The following ADGRG3 variants were observed in gnomAD, a reference collection of about 807,000 sequenced individuals.
ADGRG3 encodes G protein-coupled receptor 97.
A neutral mutation model predicts 54.3 loss-of-function variants in ADGRG3; 39 were observed. The ratio of observed to expected loss-of-function variants is 0.72; its 90% CI spans 0.56 to 0.94. The LOEUF is 0.94. Ranked by LOEUF, ADGRG3 falls within the 40% of genes least tolerant of loss-of-function variation. The pLI, the probability that ADGRG3 is intolerant of heterozygous loss-of-function variation, is 0.00. For missense variants in ADGRG3, 654 were observed against 694.6 expected (o/e 0.94, Z 0.66); for synonymous variants, 312 against 290.0 (o/e 1.08, Z -0.77).
chr16:57,688,735 G>A lies in ADGRG3; in HGVS notation c.*274G>A. The stretch of plus-strand genomic sequence containing the variant: ...AGAGTGACAGTCACCTCCATGCCCT[G>A]CCCTCATTGCAAAGCCCTCACTCAC... On this transcript the variant is annotated 3_prime_UTR_variant, in exon 12 of 12. Transcript: ENST00000333493. 2.6e-6 allele frequency: 1 copy of A among 382,432 alleles called. No homozygotes were observed. Among genetic ancestry groups the A allele is most frequent in the Non-Finnish European group, 4.9e-6 (1 of 204,912 alleles). The allele number at this position is 382,432 out of a possible 1,614,324, so 23.7% of individuals were successfully genotyped here. A position where few individuals can be genotyped will look rare whatever the true frequency, so the allele number is the denominator to read the frequency against.
At chr16:57,682,406 C>G (rs997672723) in intron 8 of ADGRG3, 3 of 820,214 alleles carry the variant, frequency 3.7e-6, no homozygotes. Context: ...CCCTAGGCTG[C>G]AGCCCCAACT....
chr16:57,682,681 C>A, intron 8 of ADGRG3: 1 of 959,158 alleles, frequency 1.0e-6, no homozygotes, highest in Non-Finnish European at 1.2e-6. Context: ...TCCCCTCCCT[C>A]GGCTGAGAGC....
chr16:57,681,375 T>C (rs867385752), intron 8 of ADGRG3, among the ~76,000 whole-genome samples: 158 of 94,618 alleles, frequency 1.7e-3, no homozygotes, highest in South Asian at 8.1e-3. Context: ...TGTGTGTGTG[T>C]GCGCGCGTGC....
At chr16:57,676,673 T>C (rs2048270210) in intron 3 of ADGRG3, among the ~76,000 whole-genome samples, 1 of 152,240 alleles carries the variant, frequency 6.6e-6, no homozygotes, top group South Asian at 2.1e-4. Context: ...TCGGTTTCTC[T>C]GTCTATAAAA....
In ADGRG3 at chr16:57,668,309, C is replaced by T. The variant is rs1257428035; in HGVS notation, c.-39C>T. Reference sequence around the variant, plus strand: ...CAGAGCCTGGGGCCAGAGGGCCAGACAGCCACAGAGCTCCTGGCGTGGGCA... The same window carrying T: ...CAGAGCCTGGGGCCAGAGGGCCAGATAGCCACAGAGCTCCTGGCGTGGGCA... On this transcript the variant is annotated 5_prime_UTR_variant, in exon 1 of 12. Coordinates refer to ENST00000333493, the MANE Select transcript of ADGRG3 (RefSeq NM_170776.5). 1.3e-6 allele frequency: 2 copies of T among 1,533,340 alleles called. No individual in the cohort carries two copies. The highest frequency in any genetic ancestry group is 1.8e-6 in the Non-Finnish European group (2 of 1,137,164). The allele number at this position is 1,533,340 out of a possible 1,614,324, so 95.0% of individuals were successfully genotyped here.
chr16:57,678,905 T>C (rs2048313053), intron 4 of ADGRG3: 1 of 507,674 alleles, frequency 2.0e-6, no homozygotes, highest in Non-Finnish European at 3.5e-6. Context: ...CCCCCTCTAG[T>C]TAAGAGGGCA....
In ADGRG3 at chr16:57,677,203, C is replaced by T. The variant is rs557034440; in HGVS notation, c.345+865C>T. On this transcript the variant is annotated intron_variant, in intron 3 of 11. Transcript: ENST00000333493. ...AGCTCCAGCCATAAACCCCCTGTGC[C>T]AATGTGCATGGGGTGTTTCTGAGGC... 1.4e-4 allele frequency among the ~76,000 whole-genome samples: 22 copies of T among 152,322 alleles called. No homozygotes were observed. The South Asian group carries it at 3.3e-3, about 23-fold the overall frequency.
rs577325950 is a variant in ADGRG3, at chr16:57,676,420, T to G, written c.345+82T>G. 81 of 1,337,164 alleles carry G rather than the reference T, an allele frequency of 6.1e-5. No individual in the cohort carries two copies. In the South Asian group the frequency reaches 8.6e-4, roughly 14 times the overall value. The allele number at this position is 1,337,164 out of a possible 1,614,324, so 82.8% of individuals were successfully genotyped here. The stretch of plus-strand genomic sequence containing the variant: ...ATTTCAAAACTCTAAGAGAGTTATA[T>G]CCTGTGATATAACTAGGGCTTGTCC... On this transcript the variant is annotated intron_variant, in intron 3 of 11. Coordinates refer to ENST00000333493, the MANE Select transcript of ADGRG3 (RefSeq NM_170776.5).
chr16:57,678,530 T>G (rs2048305322), intron 4 of ADGRG3: 1 of 582,480 alleles, frequency 1.7e-6, no homozygotes. Context: ...TCTCAGATGT[T>G]TGACCCCCAC....
At chr16:57,673,951 C>T (rs1408835827) in intron 2 of ADGRG3, among the ~76,000 whole-genome samples, 4 of 151,932 alleles carry the variant, frequency 2.6e-5, no homozygotes, top group Admixed American at 6.6e-5. Context: ...ATGTAAACCG[C>T]GTGGGGATGG....
chr16:57,678,752 C>G, intron 4 of ADGRG3: 2 of 316,358 alleles, frequency 6.3e-6, no homozygotes, highest in Non-Finnish European at 1.2e-5. Flanking sequence ...GCATCCACTC[C>G]TGTGCAGACG....
At chr16:57,669,805 G>A (rs1480656992) in intron 1 of ADGRG3, among the ~76,000 whole-genome samples, 1 of 152,224 alleles carries the variant, frequency 6.6e-6, no homozygotes, top group East Asian at 1.9e-4. Context: ...GAGTGACACA[G>A]TGTGGTGGGG....
intron 11 of ADGRG3, 185 bp downstream of exon 11, chr16:57,686,111 G>C (rs139949419): frequency 6.4e-6 from 4 of 622,748 alleles, no homozygotes; most frequent in Non-Finnish European, 1.1e-5. Context: ...GTATTAGTCC[G>C]TTTGTGTTAC....
chr16:57,673,591 CTTGT>C (rs1335576223), intron 2 of ADGRG3, 123 bp downstream of exon 2: 6 of 872,640 alleles, frequency 6.9e-6, no homozygotes, highest in Non-Finnish European at 8.7e-6. Context: ...ACTCTTCCAC[CTTGT>C]TTGACACCAC....
Position 57,685,887 on chromosome 16 carries a change from TC to T in ADGRG3, c.1503del (p.Thr502ProfsTer124). The T allele has an allele frequency of 1.2e-6, 2 of 1,614,126 alleles. No individual in the cohort carries two copies. Among genetic ancestry groups the T allele is most frequent in the Non-Finnish European group, 8.5e-7 (1 of 1,180,012 alleles). ...GLAIFTPLGLSTVYIFALFNS... is the reference protein window; with the variant it reads ...GLAIFTPLGLXTVYIFALFNS... ...GGCCATCTTCACCCCGTTGGGCCTCTCCACCGTCTACATCTTTGCACTTTTC... is the reference window on the plus strand; with the variant it reads ...GGCCATCTTCACCCCGTTGGGCCTCTCACCGTCTACATCTTTGCACTTTTC... On this transcript the variant is annotated frameshift_variant, in exon 11 of 12. Coordinates refer to ENST00000333493, the MANE Select transcript of ADGRG3 (RefSeq NM_170776.5). LOFTEE classifies it low-confidence loss of function (END_TRUNC).
At chr16:57,679,449 C>A in intron 5 of ADGRG3, 138 bp downstream of exon 5, 2 of 976,492 alleles carry the variant, frequency 2.0e-6, no homozygotes, top group Non-Finnish European at 1.5e-6. Context: ...GCCATTAGGG[C>A]CATACACATA....
At chr16:57,681,298 C>T (rs56414425) in intron 8 of ADGRG3, 6,895 of 153,854 alleles carry the variant, frequency 0.045, 231 homozygotes, top group South Asian at 0.084. Flanking sequence ...AGACTTTGCT[C>T]AGTTTTCACC....
At chr16:57,675,743 T>C (rs1163580717) in intron 2 of ADGRG3, among the ~76,000 whole-genome samples, 1 of 152,180 alleles carries the variant, frequency 6.6e-6, no homozygotes, top group Non-Finnish European at 1.5e-5. Context: ...TGATTCCATT[T>C]GTGTGAGCTA....
At chr16:57,676,424 G>C in intron 3 of ADGRG3, 86 bp downstream of exon 3, 1 of 1,264,764 alleles carries the variant, frequency 7.9e-7, no homozygotes, top group Non-Finnish European at 1.1e-6. Flanking sequence ...GTTATATCCT[G>C]TGATATAACT....
Sources: gnomAD v4.1 joint callset for allele counts (sites outside exome capture counted in the v4.1 genomes callset) on GRCh38, gnomAD v4.1.1 for gene constraint, MANE v1.5 for transcripts, NCBI Gene and HGNC (gene_info 2026-07-23, HGNC 2026-07-21) for gene names.